The following GALNT5 variants were observed in gnomAD, a reference collection of about 807,000 sequenced individuals.
GALNT5 encodes polypeptide N-acetylgalactosaminyltransferase 5.
A neutral mutation model predicts 85.4 loss-of-function variants in GALNT5; 72 were observed. The observed-to-expected ratio is 0.84, with a 90% CI of 0.70 to 1.03. The LOEUF (loss-of-function observed/expected upper bound fraction) is 1.03. GALNT5 is among the 50% of genes least tolerant of loss of function. The pLI is 0.00. For synonymous variants in GALNT5, 404 were observed against 397.0 expected (o/e 1.02, Z -0.21); for missense variants, 1,137 against 1,135.5 (o/e 1.00, Z -0.02).
At chr2:157,306,910 A>G (rs1035853321) in intron 8 of GALNT5, among the ~76,000 whole-genome samples, 1 of 152,262 alleles carries the variant, frequency 6.6e-6, no homozygotes, top group South Asian at 2.1e-4. Context: ...ATTAAAAGAA[A>G]TAAATTTCAC....
At chr2:157,276,052 G>C (rs577037880) in intron 1 of GALNT5, among the ~76,000 whole-genome samples, 1 of 152,140 alleles carries the variant, frequency 6.6e-6, no homozygotes, top group Non-Finnish European at 1.5e-5. Context: ...TTTTGTCAAA[G>C]GCCTTTTCTG....
intron 3 of GALNT5, among the ~76,000 whole-genome samples, chr2:157,292,096 A>G (rs1178448443): frequency 1.3e-5 from 2 of 152,238 alleles, no homozygotes; most frequent in South Asian, 2.1e-4. Flanking sequence ...AAGAATTTAG[A>G]TATCAGGTAG....
chr2:157,309,839 GT>G (rs1199172319), intron 9 of GALNT5, among the ~76,000 whole-genome samples: 4 of 152,102 alleles, frequency 2.6e-5, no homozygotes, highest in Non-Finnish European at 4.4e-5. Context: ...TTATTATTGA[GT>G]TATTCAGAAA....
chr2:157,297,488 G>A (rs1683239725), intron 5 of GALNT5, among the ~76,000 whole-genome samples: 1 of 152,140 alleles, frequency 6.6e-6, no homozygotes, highest in Non-Finnish European at 1.5e-5. Context: ...AAGAATTTGA[G>A]ACTCAAACCC....
At chr2:157,286,212 A>G (rs1682967875) in intron 3 of GALNT5, 78 bp downstream of exon 3, 1 of 1,209,260 alleles carries the variant, frequency 8.3e-7, no homozygotes, top group Non-Finnish European at 1.2e-6. Context: ...AGCAAATGTG[A>G]AAGACCAGCA....
chr2:157,267,333 G>A (rs1324809515), intron 1 of GALNT5, among the ~76,000 whole-genome samples: 2 of 152,276 alleles, frequency 1.3e-5, no homozygotes, highest in East Asian at 3.9e-4. Flanking sequence ...AAGGGCCAGT[G>A]GGAAACCGTT....
chr2:157,271,102 C>CA (rs60440798), intron 1 of GALNT5, among the ~76,000 whole-genome samples: 3,190 of 131,726 alleles, frequency 0.024, 97 homozygotes, highest in African/African-American at 0.073. Context: ...GACTCTGTCT[C>CA]AAAAAAAAAA....
At chr2:157,286,864 C>G (rs1682986064) in intron 3 of GALNT5, among the ~76,000 whole-genome samples, 1 of 151,136 alleles carries the variant, frequency 6.6e-6, no homozygotes, top group Admixed American at 6.6e-5. Context: ...TCTGAAAAGT[C>G]AACTCCTCAC....
chr2:157,293,281 A>G (rs911304392), intron 3 of GALNT5, among the ~76,000 whole-genome samples: 2 of 152,214 alleles, frequency 1.3e-5, no homozygotes, highest in African/African-American at 4.8e-5. Context: ...TTCGGTGTCT[A>G]GTGACAGCTC....
chr2:157,269,959 A>AT (rs1398667723), intron 1 of GALNT5, among the ~76,000 whole-genome samples: 9 of 150,712 alleles, frequency 6.0e-5, no homozygotes, highest in African/African-American at 9.7e-5. Flanking sequence ...AACTGATTTG[A>AT]TTTTTTTTTC....
chr2:157,275,443 T>A (rs1417563398), intron 1 of GALNT5, among the ~76,000 whole-genome samples: 1 of 152,204 alleles, frequency 6.6e-6, no homozygotes, highest in East Asian at 1.9e-4. Flanking sequence ...TTCACTATAT[T>A]GATTCTTCCT....
chr2:157,291,183 G>A (rs1193803462), intron 3 of GALNT5, among the ~76,000 whole-genome samples: 2 of 152,182 alleles, frequency 1.3e-5, no homozygotes, highest in African/African-American at 4.8e-5. Flanking sequence ...TTACTGCCCT[G>A]CCAAGAGGAG....
At chr2:157,289,908 C>A (rs1043826613) in intron 3 of GALNT5, among the ~76,000 whole-genome samples, 1 of 151,692 alleles carries the variant, frequency 6.6e-6, no homozygotes, top group Non-Finnish European at 1.5e-5. Flanking sequence ...CCTGTCTCTA[C>A]TAAAAATACA....
chr2:157,294,403 G>A (rs1395173548), intron 3 of GALNT5, among the ~76,000 whole-genome samples: 9 of 152,326 alleles, frequency 5.9e-5, no homozygotes, highest in East Asian at 1.9e-4. Context: ...GTAAGAAAGC[G>A]AAAGGCTAGG....
In GALNT5 at chr2:157,318,263, C is replaced by T. The variant is rs186900683; in HGVS notation, c.*6915C>T. 8.5e-5 allele frequency among the ~76,000 whole-genome samples: 13 copies of T among 152,140 alleles called. No individual in the cohort carries two copies. Among genetic ancestry groups the T allele is most frequent in the Admixed American group, 5.9e-4 (9 of 15,278 alleles). On this transcript the variant is annotated 3_prime_UTR_variant, in exon 10 of 10. Transcript: ENST00000259056. ...ATGATCCCATGTAAATATGCAGAAA[C>T]GATTGCTATGAAAATGTCAGCATAG...
chr2:157,286,457 C>T (rs1489956050), intron 3 of GALNT5, among the ~76,000 whole-genome samples: 2 of 152,104 alleles, frequency 1.3e-5, no homozygotes, highest in African/African-American at 2.4e-5. Context: ...ATAATACCTA[C>T]TATATGCTCT....
Position 157,259,393 on chromosome 2 carries a change from T to C in GALNT5, c.1311T>C (p.Ala437=). 2 of 1,502,682 alleles carry C rather than the reference T, an allele frequency of 1.3e-6. No individual in the cohort carries two copies. The highest frequency in any genetic ancestry group is 1.8e-6 in the Non-Finnish European group (2 of 1,123,910). The allele number at this position is 1,502,682 out of a possible 1,614,324, so 93.1% of individuals were successfully genotyped here. Reference sequence around the variant, plus strand: ...CACTTTCTCCAAGGGACCCCAAAGCTCCAGGGCAGTTTGGGCGTCCTGTAG... The same window carrying C: ...CACTTTCTCCAAGGGACCCCAAAGCCCCAGGGCAGTTTGGGCGTCCTGTAG... ...DVTLSPRDPK[A]PGQFGRPVVV... is the part of the protein sequence containing the mutation. Residue 437 remains alanine, a synonymous_variant, in exon 1 of 10, where the codon GCT becomes GCC. Transcript: ENST00000259056.
intron 8 of GALNT5, among the ~76,000 whole-genome samples, chr2:157,307,155 G>T (rs4664225): frequency 6.6e-6 from 1 of 152,146 alleles, no homozygotes; most frequent in Admixed American, 6.5e-5. Flanking sequence ...AATTATGCAG[G>T]CTTCGACTTC....
rs73966097 is a variant in GALNT5 at position 157,282,162 on chromosome 2, A to T, written c.1455-2120A>T. ...ATCACTACATGAAGATAGTGAATCA[A>T]AATGTGTTATTTTAATTCTCTGTCA... On this transcript the variant is annotated intron_variant, in intron 1 of 9. Coordinates refer to ENST00000259056, the MANE Select transcript of GALNT5 (RefSeq NM_014568.3). Among the ~76,000 whole-genome samples the T allele has an allele frequency of 7.1e-3, 1,081 of 152,324 alleles. 10 individuals are homozygous for T. The highest frequency in any genetic ancestry group is 0.02 in the African/African-American group (836 of 41,580).
Sources: allele counts gnomAD v4.1 joint callset (sites outside exome capture counted in the v4.1 genomes callset), GRCh38; gene constraint gnomAD v4.1.1; transcripts MANE v1.5; gene names NCBI Gene and HGNC (gene_info 2026-07-23, HGNC 2026-07-21).